MPP7: variants seen among roughly 807,000 people sequenced by gnomAD.
MPP7 encodes the protein MAGUK p55 scaffold protein 7.
Under a neutral mutation model 76.5 loss-of-function variants are expected in MPP7, and 60 were observed. The ratio of observed to expected loss-of-function variants is 0.78; its 90% CI spans 0.64 to 0.97. MPP7 has a LOEUF of 0.97. Among genes scored for constraint, MPP7 ranks in the 50% least tolerant of loss-of-function variants. The pLI is 0.00. For missense variants in MPP7, 641 were observed against 694.0 expected, an observed-to-expected ratio of 0.92 and a Z score of 0.86; for synonymous variants, 237 against 244.5, an observed-to-expected ratio of 0.97 and a Z score of 0.29.
At chr10:28,214,659 G>T (rs975960775) in intron 2 of MPP7, among the ~76,000 whole-genome samples, 7 of 152,124 alleles carry the variant, frequency 4.6e-5, no homozygotes, top group African/African-American at 7.2e-5. Context: ...AGACCTAACC[G>T]ACTCCATCTT....
intron 5 of MPP7, among the ~76,000 whole-genome samples, chr10:28,136,076 G>C (rs1224721833): frequency 6.6e-6 from 1 of 151,852 alleles, no homozygotes; most frequent in Non-Finnish European, 1.5e-5. Flanking sequence ...CTGAGTATGC[G>C]AGGATCTAGG....
intron 2 of MPP7, among the ~76,000 whole-genome samples, chr10:28,228,106 G>C (rs746926420): frequency 3.3e-5 from 5 of 152,156 alleles, no homozygotes; most frequent in Non-Finnish European, 7.4e-5. Context: ...AGTATACTTT[G>C]GGTGGGGGAA....
intron 12 of MPP7, among the ~76,000 whole-genome samples, chr10:28,087,688 G>A (rs1853086892): frequency 6.6e-6 from 1 of 152,146 alleles, no homozygotes; most frequent in Admixed American, 6.5e-5. Flanking sequence ...GAGCCACTGC[G>A]CCCAGCCTCA....
intron 2 of MPP7, among the ~76,000 whole-genome samples, chr10:28,319,565 G>A (rs995959288): frequency 2.0e-5 from 3 of 152,036 alleles, no homozygotes; most frequent in African/African-American, 7.2e-5. Flanking sequence ...AAAAGAGAGA[G>A]AGAGAGATGA....
At chr10:28,270,551 GA>G (rs1840294878) in intron 1 of MPP7, among the ~76,000 whole-genome samples, 1 of 120,032 alleles carries the variant, frequency 8.3e-6, no homozygotes, top group Non-Finnish European at 1.7e-5. Flanking sequence ...GGGAGGAGGG[GA>G]GCTGGGGAGG....
intron 11 of MPP7, among the ~76,000 whole-genome samples, chr10:28,098,360 T>A (rs1228717035): frequency 1.3e-5 from 2 of 151,930 alleles, no homozygotes; most frequent in African/African-American, 4.8e-5. Flanking sequence ...ACTATGAGTT[T>A]TACTTTTTTT....
rs1310247700 is a variant in MPP7, at chr10:28,051,741, T to A, written c.*2324A>T. On this transcript the variant is annotated 3_prime_UTR_variant, in exon 17 of 17. Transcript: ENST00000683449. The stretch of plus-strand genomic sequence containing the variant: ...CTTTCTAAGCATCAAGATGGCCATG[T>A]AAACACTGTTTTTAAGACCACGTCT... The A allele has an allele frequency of 1.3e-5, 2 of 152,076 alleles. No individual in the cohort carries two copies. The highest frequency in any genetic ancestry group is 1.3e-4 in the Admixed American group (2 of 15,272). The allele number at this position is 152,076 out of a possible 1,614,324, so 9.4% of individuals were successfully genotyped here.
chr10:28,124,933 C>A, intron 7 of MPP7, 77 bp downstream of exon 7: 1 of 1,184,250 alleles, frequency 8.4e-7, no homozygotes, highest in Non-Finnish European at 1.3e-6. Context: ...AGATGGTTAT[C>A]CTCTTAGTTA....
chr10:28,286,671 C>G (rs1001287124), intron 1 of MPP7, among the ~76,000 whole-genome samples: 4 of 152,054 alleles, frequency 2.6e-5, no homozygotes, highest in African/African-American at 9.7e-5. Context: ...GCAAACAGGT[C>G]ATTCACAACT....
At chr10:28,252,326 A>G (rs59048411) in intron 1 of MPP7, among the ~76,000 whole-genome samples, 1,580 of 152,340 alleles carry the variant, frequency 0.01, 29 homozygotes, top group East Asian at 0.07. Flanking sequence ...AAACGGCGAC[A>G]TGTCACACAC....
intron 5 of MPP7, among the ~76,000 whole-genome samples, chr10:28,134,155 G>C (rs1424051314): frequency 6.6e-6 from 1 of 152,158 alleles, no homozygotes; most frequent in East Asian, 1.9e-4. Context: ...AAAAATGTGA[G>C]TTCTAGCTTT....
At chr10:28,263,289 G>A (rs1424963823) in intron 1 of MPP7, among the ~76,000 whole-genome samples, 4 of 152,156 alleles carry the variant, frequency 2.6e-5, no homozygotes, top group Non-Finnish European at 4.4e-5. Context: ...TTTAAGAAAT[G>A]AGGAATGTGA....
intron 12 of MPP7, among the ~76,000 whole-genome samples, chr10:28,084,089 A>G (rs1852893159): frequency 6.6e-6 from 1 of 152,224 alleles, no homozygotes; most frequent in African/African-American, 2.4e-5. Context: ...AAGGCTAATA[A>G]TCATAACAAA....
chr10:28,066,238 A>G (rs1851983641), intron 13 of MPP7, among the ~76,000 whole-genome samples: 1 of 152,168 alleles, frequency 6.6e-6, no homozygotes, highest in Non-Finnish European at 1.5e-5. Flanking sequence ...CCCACAGAGG[A>G]GCAAAAGACA....
chr10:28,059,954 A>G (rs2133326861), intron 13 of MPP7, among the ~76,000 whole-genome samples: 1 of 152,326 alleles, frequency 6.6e-6, no homozygotes, highest in Admixed American at 6.5e-5. Flanking sequence ...ATGGGTTAAA[A>G]AGTTAATTGC....
At chr10:28,167,331 A>G (rs1450718782) in intron 3 of MPP7, among the ~76,000 whole-genome samples, 1 of 151,908 alleles carries the variant, frequency 6.6e-6, no homozygotes, top group African/African-American at 2.4e-5. Flanking sequence ...ACAAACAAAC[A>G]AACAAACAAA....
At chr10:28,245,956 G>A (rs551582535) in intron 1 of MPP7, among the ~76,000 whole-genome samples, 15 of 151,644 alleles carry the variant, frequency 9.9e-5, no homozygotes, top group African/African-American at 2.9e-4. Context: ...GAGCAAAAGC[G>A]AAAAAACAAT....
intron 2 of MPP7, among the ~76,000 whole-genome samples, chr10:28,210,028 C>T (rs1398231645): frequency 6.6e-6 from 1 of 152,144 alleles, no homozygotes; most frequent in African/African-American, 2.4e-5. Flanking sequence ...CTTCTCCTGC[C>T]CTCAGGTATC....
intron 4 of MPP7, among the ~76,000 whole-genome samples, chr10:28,149,174 G>A (rs1411509900): frequency 6.6e-6 from 1 of 152,048 alleles, no homozygotes; most frequent in Non-Finnish European, 1.5e-5. Context: ...TTATGGCCTG[G>A]ATATTTTACC....
Sources: allele counts gnomAD v4.1 joint callset (sites outside exome capture counted in the v4.1 genomes callset), GRCh38; gene constraint gnomAD v4.1.1; transcripts MANE v1.5; gene names NCBI Gene and HGNC (gene_info 2026-07-23, HGNC 2026-07-21).